The following KCTD20 variants were observed in gnomAD, a reference collection of about 807,000 sequenced individuals.
KCTD20 encodes potassium channel tetramerization domain containing 20, also known as BTB/POZ domain-containing protein KCTD20.
KCTD20 carries 30 observed loss-of-function variants against 39.6 expected under a neutral mutation model. The ratio of observed to expected loss-of-function variants is 0.76; its 90% CI spans 0.57 to 1.03. The LOEUF (loss-of-function observed/expected upper bound fraction) is 1.03, where lower values mean the gene tolerates loss of function less well. Ranked by LOEUF, KCTD20 falls within the 50% of genes least tolerant of loss-of-function variation. KCTD20 has a pLI of 0.00. For synonymous variants in KCTD20, 162 were observed against 180.6 expected (o/e 0.90, Z 0.83); for missense variants, 422 against 522.0 (o/e 0.81, Z 1.87).
chr6:36,489,984 A>C lies in KCTD20; in HGVS notation c.*2809A>C, dbSNP rs1350734196. 1.3e-5 allele frequency: 2 copies of C among 152,238 alleles called. No individual in the cohort carries two copies. The highest frequency in any genetic ancestry group is 2.4e-5 in the African/African-American group (1 of 41,438). 9.4% of individuals were successfully genotyped at this position (152,238 alleles called of 1,614,324 possible). Reference sequence around the variant, plus strand: ...AAAGAATGGCAGCAAAAAGGTTAAGAAAGCAAGCCAGATTTACTGCACAAT... The same window carrying C: ...AAAGAATGGCAGCAAAAAGGTTAAGCAAGCAAGCCAGATTTACTGCACAAT... On this transcript the variant is annotated 3_prime_UTR_variant, in exon 8 of 8. Transcript: ENST00000373731.
chr6:36,478,144 T>C lies in KCTD20; in HGVS notation c.435-977T>C, dbSNP rs529353649. 1.7e-4 allele frequency among the ~76,000 whole-genome samples: 26 copies of C among 150,422 alleles called. No individual in the cohort carries two copies. In the South Asian group the frequency reaches 5.3e-3, roughly 31 times the overall value. On this transcript the variant is annotated intron_variant, in intron 3 of 7. Coordinates refer to ENST00000373731, the MANE Select transcript of KCTD20 (RefSeq NM_173562.5). Reference sequence around the variant, plus strand: ...GCCAGTTCAGGCTGGAGGACAACAGTTGTGAACAGCTGAACAGGCAACACT... The same window carrying C: ...GCCAGTTCAGGCTGGAGGACAACAGCTGTGAACAGCTGAACAGGCAACACT...
chr6:36,466,466 C>T (rs903948168), intron 1 of KCTD20, among the ~76,000 whole-genome samples: 2 of 151,010 alleles, frequency 1.3e-5, no homozygotes, highest in South Asian at 2.1e-4. Flanking sequence ...ACTACAGCCT[C>T]GACCTCCTGG....
At chr6:36,467,852 T>G (rs780482877) in intron 1 of KCTD20, among the ~76,000 whole-genome samples, 9 of 152,202 alleles carry the variant, frequency 5.9e-5, no homozygotes, top group South Asian at 2.1e-4. Context: ...GATCTCAATC[T>G]TCAATCATGG....
rs1776462173 is a variant in KCTD20, at chr6:36,487,449, T to C, written c.*274T>C. 2.4e-6 allele frequency: 1 copy of C among 414,926 alleles called. No homozygotes were observed. Among genetic ancestry groups the C allele is most frequent in the Non-Finnish European group, 4.3e-6 (1 of 231,264 alleles). The allele number at this position is 414,926 out of a possible 1,614,324, so 25.7% of individuals were successfully genotyped here. A position where few individuals can be genotyped will look rare whatever the true frequency, so the allele number is the denominator to read the frequency against. ...GCTGTTCATTGAGTCTTTGTGTAAC[T>C]GCAAAAGCAGGAAAGGAAGTCAAGA... On this transcript the variant is annotated 3_prime_UTR_variant, in exon 8 of 8. Coordinates refer to ENST00000373731, the MANE Select transcript of KCTD20 (RefSeq NM_173562.5).
intron 1 of KCTD20, chr6:36,452,630 C>T (rs1288150220): frequency 6.6e-6 from 1 of 151,228 alleles, no homozygotes; most frequent in Non-Finnish European, 1.5e-5. Flanking sequence ...GCAACCTCCG[C>T]TTCCCGAAGC....
At chr6:36,451,124 A>T (rs143457009) in intron 1 of KCTD20, 1 of 152,226 alleles carries the variant, frequency 6.6e-6, no homozygotes, top group African/African-American at 2.4e-5. Flanking sequence ...AGCGCACTAC[A>T]GCCCAGAACT....
intron 1 of KCTD20, among the ~76,000 whole-genome samples, chr6:36,445,263 A>AAG (rs1049151608): frequency 6.8e-6 from 1 of 147,156 alleles, no homozygotes; most frequent in African/African-American, 2.5e-5. Flanking sequence ...CTCCGTCTCA[A>AAG]AAAAAAAAAA....
intron 2 of KCTD20, among the ~76,000 whole-genome samples, chr6:36,471,007 C>T (rs1048066498): frequency 2.6e-5 from 4 of 151,988 alleles, no homozygotes; most frequent in African/African-American, 7.3e-5. Flanking sequence ...AAAAATTAGC[C>T]GGGCGTGGTG....
At chr6:36,480,825 T>C (rs1253629691) in intron 5 of KCTD20, among the ~76,000 whole-genome samples, 1 of 152,240 alleles carries the variant, frequency 6.6e-6, no homozygotes, top group Non-Finnish European at 1.5e-5. Context: ...GTGCCGAGGT[T>C]ACAGGCATGA....
At position 36,489,701 on chromosome 6, in the gene KCTD20, T is replaced by TA. The variant is rs145502210; in HGVS notation, c.*2531dup. 0.075 allele frequency: 11,396 copies of TA among 152,224 alleles called. 578 individuals carry two copies. Among genetic ancestry groups the TA allele is most frequent in the Admixed American group, 0.11 (1,732 of 15,292 alleles). The allele number at this position is 152,224 out of a possible 1,614,324, so 9.4% of individuals were successfully genotyped here. A position where few individuals can be genotyped will look rare whatever the true frequency, so the allele number is the denominator to read the frequency against. On this transcript the variant is annotated 3_prime_UTR_variant, in exon 8 of 8. Coordinates refer to ENST00000373731, the MANE Select transcript of KCTD20 (RefSeq NM_173562.5). ...GATGGGTAAGAGGCATTTGTAATTT[T>TA]AAAAATGTGAAACTTGGGTTTGGTG...
At chr6:36,463,503 T>C (rs1283156012) in intron 1 of KCTD20, among the ~76,000 whole-genome samples, 1 of 152,198 alleles carries the variant, frequency 6.6e-6, no homozygotes, top group Non-Finnish European at 1.5e-5. Flanking sequence ...AAAGATAAAC[T>C]AACAAAACCA....
In KCTD20 at chr6:36,450,163, TAAAAAAAAAAAAA is replaced by T. The variant is rs576681021; in HGVS notation, c.-47+7067_-47+7079del. 2.9e-3 allele frequency among the ~76,000 whole-genome samples: 310 copies of T among 105,822 alleles called. 1 individual carries two copies. Among genetic ancestry groups the T allele is most frequent in the Middle Eastern group, 0.019 (4 of 214 alleles). 69.4% of individuals were successfully genotyped at this position (105,822 alleles called of 152,430 possible). On this transcript the variant is annotated intron_variant, in intron 1 of 7. Coordinates refer to ENST00000373731, the MANE Select transcript of KCTD20 (RefSeq NM_173562.5). ...TGGGCAACAGAGTGAGACTCCGTCC[TAAAAAAAAAAAAA>T]AAAAAAAAAAAAAAGAAGTTATGTA...
chr6:36,478,094 C>CAAAA lies in KCTD20; in HGVS notation c.435-1019_435-1016dup, dbSNP rs1301151019. On this transcript the variant is annotated intron_variant, in intron 3 of 7. Transcript: ENST00000373731. Reference sequence around the variant, plus strand: ...TGGGCAACAGAGCGAAACTCCATCTCAAAAAAAAAAAGAAAAGAAAAGCAG... The same window carrying CAAAA: ...TGGGCAACAGAGCGAAACTCCATCTCAAAAAAAAAAAAAAAGAAAAGAAAAGCAG... Among the ~76,000 whole-genome samples the CAAAA allele has an allele frequency of 7.5e-3, 657 of 87,636 alleles. 5 individuals carry two copies. The highest frequency in any genetic ancestry group is 0.013 in the Admixed American group (93 of 7,202). The allele number at this position is 87,636 out of a possible 152,430, so 57.5% of individuals were successfully genotyped here.
At chr6:36,465,901 ACATTTTAACTCTTG>A in intron 1 of KCTD20, among the ~76,000 whole-genome samples, 1 of 152,152 alleles carries the variant, frequency 6.6e-6, no homozygotes, top group South Asian at 2.1e-4. Context: ...TTATTAATAT[ACATTTTAACTCTTG>A]CTGCCTTTCC....
intron 6 of KCTD20, among the ~76,000 whole-genome samples, chr6:36,484,056 C>T (rs930889920): frequency 3.3e-5 from 5 of 151,770 alleles, no homozygotes; most frequent in African/African-American, 1.2e-4. Flanking sequence ...TCTCCTGCCT[C>T]AGCCTCCCGA....
At chr6:36,472,734 T>C (rs1252715258) in intron 2 of KCTD20, among the ~76,000 whole-genome samples, 1 of 152,094 alleles carries the variant, frequency 6.6e-6, no homozygotes, top group Non-Finnish European at 1.5e-5. Flanking sequence ...TGTAATCACT[T>C]TGGGGAGCCA....
intron 1 of KCTD20, among the ~76,000 whole-genome samples, chr6:36,450,558 G>A (rs370466128): frequency 1.3e-5 from 2 of 151,520 alleles, no homozygotes; most frequent in South Asian, 2.1e-4. Flanking sequence ...TATGTCCTAC[G>A]CCATGAGGCC....
At chr6:36,482,878 G>A (rs140261053) in intron 6 of KCTD20, among the ~76,000 whole-genome samples, 5 of 150,926 alleles carry the variant, frequency 3.3e-5, no homozygotes, top group African/African-American at 7.3e-5. Context: ...CCCAGGAGGC[G>A]GAGGTTGCAG....
rs1776013738 is a variant in KCTD20, at chr6:36,474,814, G to A, written c.186G>A (p.Gln62=). Residue 62 remains glutamine (Q), a synonymous_variant, in exon 3 of 8, where the codon CAG becomes CAA. Transcript: ENST00000373731. ...NEDLSLDYAS[Q]PANLQFPHIM... ...ACCTCTCACTTGACTATGCCTCTCA[G>A]CCAGCAAATCTTCAGTTCCCTCACA... 1 of 1,611,894 alleles carries A rather than the reference G, an allele frequency of 6.2e-7. No individual in the cohort carries two copies. Among genetic ancestry groups the A allele is most frequent in the Non-Finnish European group, 8.5e-7 (1 of 1,178,424 alleles).
Sources: allele counts gnomAD v4.1 joint callset (sites outside exome capture counted in the v4.1 genomes callset), GRCh38; gene constraint gnomAD v4.1.1; transcripts MANE v1.5; gene names NCBI Gene and HGNC (gene_info 2026-07-23, HGNC 2026-07-21).